The following MTCL1 variants were observed in gnomAD, a reference collection of about 807,000 sequenced individuals.
The protein encoded by MTCL1 is microtubule crosslinking factor 1.
MTCL1 carries 79 observed loss-of-function variants against 141.4 expected under a neutral mutation model. The ratio of observed to expected loss-of-function variants is 0.56; its 90% CI spans 0.47 to 0.67. The LOEUF (loss-of-function observed/expected upper bound fraction) is 0.67. MTCL1 is among the 30% of genes least tolerant of loss of function. The pLI is 0.00. For missense variants in MTCL1, 2,177 were observed against 2,113.9 expected (o/e 1.03, Z -0.59); for synonymous variants, 914 against 875.8 (o/e 1.04, Z -0.77).
At chr18:8,825,885 C>T in exon 15 of MTCL1, 1 of 1,613,910 alleles carries the variant, frequency 6.2e-7, no homozygotes, top group Non-Finnish European at 8.5e-7. Context: ...GGTGCAGGAC[C>T]CCTTCCAGAA....
chr18:8,730,380 A>G (rs1230900939), intron 4 of MTCL1, among the ~76,000 whole-genome samples: 1 of 152,160 alleles, frequency 6.6e-6, no homozygotes, highest in African/African-American at 2.4e-5. Context: ...AGGTTTTATC[A>G]TCTTTATTTT....
intron 4 of MTCL1, among the ~76,000 whole-genome samples, chr18:8,729,587 T>G (rs2148858303): frequency 6.6e-6 from 1 of 151,126 alleles, no homozygotes; most frequent in Non-Finnish European, 1.5e-5. Context: ...AAATCTTTTG[T>G]AGAGATGAGG....
intron 4 of MTCL1, among the ~76,000 whole-genome samples, chr18:8,748,523 G>A (rs1244099912): frequency 6.6e-6 from 1 of 151,600 alleles, no homozygotes; most frequent in Non-Finnish European, 1.5e-5. Flanking sequence ...CACCTGGGTG[G>A]GTGACAAAGC....
intron 11 of MTCL1, among the ~76,000 whole-genome samples, chr18:8,808,656 C>T (rs1318476490): frequency 6.6e-6 from 1 of 152,218 alleles, no homozygotes; most frequent in Non-Finnish European, 1.5e-5. Context: ...TGCTTAAATG[C>T]AAAACAGTTT....
chr18:8,800,281 A>G (rs2076073988), intron 10 of MTCL1, among the ~76,000 whole-genome samples: 2 of 152,214 alleles, frequency 1.3e-5, no homozygotes, highest in African/African-American at 2.4e-5. Context: ...AGCACCTCGC[A>G]AGGCGATTAG....
intron 16 of MTCL1, chr18:8,829,961 G>A (rs570205855): frequency 2.0e-6 from 2 of 985,410 alleles, no homozygotes; most frequent in Non-Finnish European, 2.4e-6. Context: ...TAAAAAGCCT[G>A]CTCTTCAGCA....
intron 11 of MTCL1, among the ~76,000 whole-genome samples, chr18:8,807,358 G>C (rs1475256725): frequency 6.6e-6 from 1 of 152,236 alleles, no homozygotes; most frequent in Non-Finnish European, 1.5e-5. Flanking sequence ...CCAGGCTGAA[G>C]CTGTCATCAC....
intron 4 of MTCL1, among the ~76,000 whole-genome samples, chr18:8,733,434 G>T (rs1359689549): frequency 1.3e-5 from 2 of 152,114 alleles, no homozygotes; most frequent in African/African-American, 4.8e-5. Context: ...TTTTGAGAGG[G>T]AGTCTCTGTC....
chr18:8,809,147 A>C (rs1459945115), intron 11 of MTCL1, among the ~76,000 whole-genome samples: 1 of 152,222 alleles, frequency 6.6e-6, no homozygotes. Context: ...TTTATCATGA[A>C]AGTTTAGATT....
intron 11 of MTCL1, 132 bp from the exon 11 acceptor site, chr18:8,812,847 G>A (rs937806844): frequency 1.7e-6 from 2 of 1,156,152 alleles, no homozygotes; most frequent in Non-Finnish European, 2.4e-6. Flanking sequence ...AATAAAATTT[G>A]TTTATACTGT....
At chr18:8,752,013 G>A (rs1337539362) in intron 4 of MTCL1, among the ~76,000 whole-genome samples, 3 of 152,178 alleles carry the variant, frequency 2.0e-5, no homozygotes, top group Non-Finnish European at 4.4e-5. Context: ...TCAAAAGAAG[G>A]CCCCAGAGGG....
At chr18:8,707,776 G>A (rs1598339782) in intron 1 of MTCL1, among the ~76,000 whole-genome samples, 1 of 152,180 alleles carries the variant, frequency 6.6e-6, no homozygotes, top group African/African-American at 2.4e-5. Context: ...TAACCAATAC[G>A]GGCCCAGTTT....
At chr18:8,706,641 C>T (rs769849062) in exon 1 of MTCL1, 33 of 1,546,522 alleles carry the variant, frequency 2.1e-5, no homozygotes, top group South Asian at 7.2e-5. Flanking sequence ...AGTCTCGGCT[C>T]GTGCCAGCGG....
At chr18:8,780,848 G>A (rs922971997) in intron 5 of MTCL1, among the ~76,000 whole-genome samples, 23 of 152,042 alleles carry the variant, frequency 1.5e-4, no homozygotes, top group Non-Finnish European at 3.1e-4. Context: ...TACATACTAG[G>A]TACTTAATAA....
In MTCL1 at chr18:8,779,174, A is replaced by G. The variant is rs2096524245; in HGVS notation, c.417+1282A>G. On this transcript the variant is annotated intron_variant, in intron 5 of 16. Coordinates refer to ENST00000359865, the Ensembl canonical transcript of MTCL1. This position sits in a 1 kb window ranked among gnomAD's most constrained non-coding sequence, Gnocchi z 4.1. The stretch of plus-strand genomic sequence containing the variant: ...GGACGGCTGACTTGCAAGCCAAAGA[A>G]TATATACAGAGAGCGATATATTTCT... Among the ~76,000 whole-genome samples the G allele has an allele frequency of 6.6e-6, 1 of 152,202 alleles. No homozygotes were observed. Among genetic ancestry groups the G allele is most frequent in the South Asian group, 2.1e-4 (1 of 4,830 alleles).
At chr18:8,706,423 G>T (rs1436606574) in exon 1 of MTCL1, 3 of 1,227,362 alleles carry the variant, frequency 2.4e-6, no homozygotes, top group African/African-American at 3.1e-5. Flanking sequence ...GCCGAGCCCC[G>T]CAGCCCGAGG....
intron 10 of MTCL1, among the ~76,000 whole-genome samples, chr18:8,800,959 G>A (rs1008430962): frequency 4.0e-5 from 6 of 150,014 alleles, no homozygotes; most frequent in Non-Finnish European, 8.9e-5. Context: ...TTCATAGCAA[G>A]AGCTGAAGGA....
At chr18:8,789,511 T>G in intron 7 of MTCL1, 5 of 985,324 alleles carry the variant, frequency 5.1e-6, no homozygotes, top group Non-Finnish European at 6.0e-6. Flanking sequence ...TCTCTGGAGG[T>G]AGGGAAGTTA....
At position 8,824,678 on chromosome 18, in the gene MTCL1, CCT is replaced by C; in HGVS notation, c.3189-18_3189-17del. The C allele has an allele frequency of 6.3e-7, 1 of 1,587,770 alleles. No individual in the cohort carries two copies. Among genetic ancestry groups the C allele is most frequent in the Non-Finnish European group, 8.6e-7 (1 of 1,166,084 alleles). On this transcript the variant is annotated intron_variant, in intron 14 of 16. Transcript: ENST00000359865. The stretch of plus-strand genomic sequence containing the variant: ...GAGGCTCCCTGGCAGGTACTGACAC[CCT>C]CTTTTCTGCTTTTCCCAGGGCGGTG...
Sources: gnomAD v4.1 joint callset for allele counts (sites outside exome capture counted in the v4.1 genomes callset) on GRCh38, gnomAD v4.1.1 for gene constraint, Gnocchi (gnomAD v3.1) non-coding constraint, MANE v1.5 for transcripts, NCBI Gene and HGNC (gene_info 2026-07-23, HGNC 2026-07-21) for gene names.